Variants in BAG3 observed in about 807,000 individuals in gnomAD.
BAG3 encodes the protein BAG family molecular chaperone regulator 3.
Under a neutral mutation model 40.5 loss-of-function variants are expected in BAG3, and 14 were observed. The ratio of observed to expected loss-of-function variants is 0.35; its 90% CI spans 0.23 to 0.54. The LOEUF is 0.54. Ranked by LOEUF, BAG3 falls within the 20% of genes least tolerant of loss-of-function variation. BAG3 has a pLI of 0.91. For synonymous variants in BAG3, 302 were observed against 307.8 expected, an observed-to-expected ratio of 0.98 and a Z score of 0.20; for missense variants, 788 against 758.6, an observed-to-expected ratio of 1.04 and a Z score of -0.46.
At chr10:119,671,047 C>A (rs1208381559) in intron 2 of BAG3, among the ~76,000 whole-genome samples, 1 of 151,980 alleles carries the variant, frequency 6.6e-6, no homozygotes, top group Non-Finnish European at 1.5e-5. Context: ...TACCTTTTTT[C>A]TTTTCTTAGA....
At chr10:119,676,089 C>A (rs1006852633) in intron 3 of BAG3, among the ~76,000 whole-genome samples, 19 of 150,360 alleles carry the variant, frequency 1.3e-4, no homozygotes, top group Non-Finnish European at 2.7e-4. Flanking sequence ...CCACACCTGG[C>A]TAATTTTTAA....
At chr10:119,664,844 C>G (rs1268194471) in intron 1 of BAG3, among the ~76,000 whole-genome samples, 10 of 152,086 alleles carry the variant, frequency 6.6e-5, no homozygotes, top group Non-Finnish European at 1.3e-4. Flanking sequence ...AAATATCTCT[C>G]TTTGCTAGAT....
intron 1 of BAG3, among the ~76,000 whole-genome samples, chr10:119,662,226 G>T (rs2736423): frequency 0.54 from 44,078 of 81,710 alleles, 9,634 homozygotes; most frequent in African/African-American, 0.59. Context: ...TTTTTTTTTT[G>T]TTTTTTTTTT....
At chr10:119,670,304 C>A in intron 2 of BAG3, 127 bp downstream of exon 2, 1 of 1,030,244 alleles carries the variant, frequency 9.7e-7, no homozygotes, top group Non-Finnish European at 1.4e-6. Context: ...CTGGGTCTAG[C>A]CTGCAGCATC....
intron 1 of BAG3, among the ~76,000 whole-genome samples, chr10:119,668,989 T>C (rs1488535477): frequency 6.6e-6 from 1 of 152,182 alleles, no homozygotes; most frequent in Non-Finnish European, 1.5e-5. Flanking sequence ...TAAGGGTGTT[T>C]CTGGCTATGC....
chr10:119,673,231 C>T (rs1395048871), intron 3 of BAG3, among the ~76,000 whole-genome samples: 1 of 152,202 alleles, frequency 6.6e-6, no homozygotes, highest in Non-Finnish European at 1.5e-5. Context: ...CATATGAGTC[C>T]CTTAATGAGA....
intron 1 of BAG3, among the ~76,000 whole-genome samples, chr10:119,664,415 GC>G (rs1847031902): frequency 6.6e-6 from 1 of 152,194 alleles, no homozygotes; most frequent in Admixed American, 6.5e-5. Context: ...AGTGAGATAA[GC>G]AGTGAGAGTC....
chr10:119,673,623 G>C (rs547448585), intron 3 of BAG3, among the ~76,000 whole-genome samples: 15 of 152,218 alleles, frequency 9.9e-5, no homozygotes, highest in Non-Finnish European at 2.1e-4. Flanking sequence ...AGCCCCCCGT[G>C]AACAAATGTG....
Position 119,672,402 on chromosome 10 carries a change from C to T in BAG3, c.655C>T (p.Pro219Ser), listed in dbSNP as rs1847164115. Residue 219 changes from proline to serine, a missense_variant, in exon 3 of 4, where the codon CCA becomes TCA. Transcript: ENST00000369085. The surrounding 1 kb of genome is among the most constrained non-coding windows in gnomAD (Gnocchi z 4.8). ...PVIHEQNVTR[P>S]AAQPSFHQAQ... The stretch of plus-strand genomic sequence containing the variant: ...GATACACGAGCAGAACGTTACCCGG[C>T]CAGCAGCCCAGCCCTCCTTCCACCA... The T allele has an allele frequency of 1.9e-6, 3 of 1,614,176 alleles. No homozygotes were observed. Among genetic ancestry groups the T allele is most frequent in the African/African-American group, 1.3e-5 (1 of 75,056 alleles).
At position 119,651,559 on chromosome 10, in the gene BAG3, C is replaced by G; in HGVS notation, c.-117C>G. On this transcript the variant is annotated 5_prime_UTR_variant, in exon 1 of 4. Transcript: ENST00000369085. ...TTTAATTCATAAAGGTGCCCGGCGC[C>G]GGCTTCCCGGACACGTCGGCGGCGG... 1 of 1,018,478 alleles carries G rather than the reference C, an allele frequency of 9.8e-7. No homozygotes were observed. Among genetic ancestry groups the G allele is most frequent in the Non-Finnish European group, 1.3e-6 (1 of 765,984 alleles). 63.1% of individuals were successfully genotyped at this position (1,018,478 alleles called of 1,614,324 possible).
chr10:119,673,984 T>G (rs1234467845), intron 3 of BAG3, among the ~76,000 whole-genome samples: 1 of 152,172 alleles, frequency 6.6e-6, no homozygotes, highest in African/African-American at 2.4e-5. Flanking sequence ...CTTACAACAT[T>G]ATTATCCAGT....
At chr10:119,656,847 A>G (rs1349050911) in intron 1 of BAG3, among the ~76,000 whole-genome samples, 1 of 152,110 alleles carries the variant, frequency 6.6e-6, no homozygotes, top group African/African-American at 2.4e-5. Context: ...TTATCTCTAA[A>G]TCCTCACCAG....
chr10:119,675,880 CCTTCCTTCCTTCCTTCCT>C (rs1847223294), intron 3 of BAG3, among the ~76,000 whole-genome samples: 3 of 15,418 alleles, frequency 1.9e-4, no homozygotes, highest in Non-Finnish European at 4.4e-4. Flanking sequence ...CCCCTTCTCC[CCTTCCTTCCTTCCTTCCT>C]TCCCCCCTTC....
chr10:119,664,713 A>G (rs1316310297), intron 1 of BAG3, among the ~76,000 whole-genome samples: 1 of 152,232 alleles, frequency 6.6e-6, no homozygotes, highest in Non-Finnish European at 1.5e-5. Flanking sequence ...TGGTGTAACC[A>G]AGAGGCATTA....
At chr10:119,662,390 G>A (rs1847006447) in intron 1 of BAG3, among the ~76,000 whole-genome samples, 1 of 151,988 alleles carries the variant, frequency 6.6e-6, no homozygotes, top group Non-Finnish European at 1.5e-5. Context: ...TTGGAAGAAA[G>A]TGTGTTTTGT....
Position 119,651,719 on chromosome 10 carries a change from G to A in BAG3, c.44G>A (p.Gly15Asp). 1 of 1,596,210 alleles carries A rather than the reference G, an allele frequency of 6.3e-7. No individual in the cohort carries two copies. ...TCGCCCATGATGCAGGTGGCGTCCG[G>A]CAACGGTGACCGCGACCCTTTGCCC... ...THSPMMQVAS[G>D]NGDRDPLPPG... Residue 15 changes from glycine (G) to aspartate (D), a missense_variant, in exon 1 of 4, where the codon GGC (glycine) becomes GAC (aspartate). Gly to Asp is a moderately conservative substitution (Grantham distance 94). Coordinates refer to ENST00000369085, the MANE Select transcript of BAG3 (RefSeq NM_004281.4).
Position 119,672,778 on chromosome 10 carries a change from G to A in BAG3, c.909+122G>A. The stretch of plus-strand genomic sequence containing the variant: ...CTATTTAACATGCGTGTACCTACAG[G>A]CAAGTGAGATTCGAGAAATTGCTAG... On this transcript the variant is annotated intron_variant, in intron 3 of 3. Coordinates refer to ENST00000369085, the MANE Select transcript of BAG3 (RefSeq NM_004281.4). This position sits in a 1 kb window ranked among gnomAD's most constrained non-coding sequence, Gnocchi z 4.8. The A allele has an allele frequency of 1.4e-6, 2 of 1,405,636 alleles. No individual in the cohort carries two copies. Among genetic ancestry groups the A allele is most frequent in the Non-Finnish European group, 2.0e-6 (2 of 1,019,314 alleles). 87.1% of individuals were successfully genotyped at this position (1,405,636 alleles called of 1,614,324 possible).
At chr10:119,665,092 T>TTTGTGTGTG (rs1554876558) in intron 1 of BAG3, among the ~76,000 whole-genome samples, 1,037 of 87,460 alleles carry the variant, frequency 0.012, 8 homozygotes, top group Non-Finnish European at 0.017. Flanking sequence ...TAATTTTTGT[T>TTTGTGTGTG]TGTGTGTGTG....
In BAG3 at chr10:119,677,306, T is replaced by C. The variant is rs1847255053; in HGVS notation, c.*24T>C. ...AGCCTCTGCCCTGTAAAAATCAGACTCGGAACCGATGTGTGCTTTAGGGAA... is the reference window on the plus strand; with the variant it reads ...AGCCTCTGCCCTGTAAAAATCAGACCCGGAACCGATGTGTGCTTTAGGGAA... On this transcript the variant is annotated 3_prime_UTR_variant, in exon 4 of 4. Transcript: ENST00000369085. 2 of 1,612,702 alleles carry C rather than the reference T, an allele frequency of 1.2e-6. No homozygotes were observed. Among genetic ancestry groups the C allele is most frequent in the Admixed American group, 3.3e-5 (2 of 59,978 alleles).
Sources: gnomAD v4.1 joint callset for allele counts (sites outside exome capture counted in the v4.1 genomes callset) on GRCh38, gnomAD v4.1.1 for gene constraint, Gnocchi (gnomAD v3.1) non-coding constraint, MANE v1.5 for transcripts, NCBI Gene and HGNC (gene_info 2026-07-23, HGNC 2026-07-21) for gene names.